Variants in KAZN observed in about 807,000 individuals in gnomAD.
The protein encoded by KAZN is kazrin, periplakin interacting protein.
In KAZN, 40 loss-of-function variants were observed where a neutral mutation model predicts 87.4. That is an observed-to-expected ratio of 0.46 (90% CI 0.36 to 0.60). KAZN has a LOEUF of 0.60. Ranked by LOEUF, KAZN falls within the 20% of genes least tolerant of loss-of-function variation. The pLI, the probability that KAZN is intolerant of heterozygous loss-of-function variation, is 0.00. For synonymous variants in KAZN, 466 were observed against 458.3 expected (o/e 1.02, Z -0.22); for missense variants, 898 against 1,073.9 (o/e 0.84, Z 2.29).
At position 13,970,747 on chromosome 1, in the gene KAZN, C is replaced by T. The variant is rs112506335; in HGVS notation, c.91+76991C>T. ...ATGACTTTCTTTGGGAGACTATAGG[C>T]TTTCTCTGGTTCATACTTCTATTCT... On this transcript the variant is annotated intron_variant, in intron 1 of 16. Transcript: ENST00000636203. 1.2e-3 allele frequency among the ~76,000 whole-genome samples: 183 copies of T among 152,280 alleles called. 1 individual carries two copies. The highest frequency in any genetic ancestry group is 4.1e-3 in the African/African-American group (171 of 41,564).
chr1:14,413,001 AAT>A (rs922861794), intron 2 of KAZN, among the ~76,000 whole-genome samples: 1 of 148,502 alleles, frequency 6.7e-6, no homozygotes, highest in African/African-American at 2.4e-5. Flanking sequence ...CACATATATA[AAT>A]ATATATAATA....
At chr1:14,939,261 C>G (rs12029616) in intron 1 of KAZN, among the ~76,000 whole-genome samples, 24,138 of 149,202 alleles carry the variant, frequency 0.16, 2,041 homozygotes, top group Admixed American at 0.24. Context: ...TGTGAGCCAC[C>G]GTGCCTGGCC....
chr1:14,206,702 C>T (rs12404999), intron 2 of KAZN, among the ~76,000 whole-genome samples: 9,982 of 144,826 alleles, frequency 0.069, 724 homozygotes, highest in African/African-American at 0.16. Context: ...TGAGCATTTT[C>T]TTTTTTTTTT....
At chr1:14,720,174 G>A (rs1200205033) in intron 1 of KAZN, among the ~76,000 whole-genome samples, 1 of 152,220 alleles carries the variant, frequency 6.6e-6, no homozygotes, top group Non-Finnish European at 1.5e-5. Flanking sequence ...GGACCCACTG[G>A]GGGATGGCAC....
In KAZN at chr1:15,063,657, C is replaced by T. The variant is rs771829522; in HGVS notation, c.1098+35C>T. On this transcript the variant is annotated intron_variant, in intron 7 of 14. Coordinates refer to ENST00000376030, the MANE Select transcript of KAZN (RefSeq NM_201628.3). Reference sequence around the variant, plus strand: ...CCCTCCCTGGCCACTTGAACCCTCCCTCCACCCCACCTTGACTACAACTTC... The same window carrying T: ...CCCTCCCTGGCCACTTGAACCCTCCTTCCACCCCACCTTGACTACAACTTC... 12 of 1,530,800 alleles carry T rather than the reference C, an allele frequency of 7.8e-6. No homozygotes were observed. The South Asian group carries it at 1.1e-4, about 14-fold the overall frequency. The allele number at this position is 1,530,800 out of a possible 1,614,324, so 94.8% of individuals were successfully genotyped here.
chr1:15,060,369 C>T (rs1005117406), intron 6 of KAZN, 67 bp downstream of exon 6: 77 of 1,557,112 alleles, frequency 4.9e-5, no homozygotes, highest in Middle Eastern at 1.7e-4. Flanking sequence ...GCGGGGGTGG[C>T]GGGGTGAAGC....
At chr1:14,346,912 ATATATCT>A (rs1229623681) in intron 2 of KAZN, among the ~76,000 whole-genome samples, 1 of 152,210 alleles carries the variant, frequency 6.6e-6, no homozygotes, top group Non-Finnish European at 1.5e-5. Flanking sequence ...ACAGACAACA[ATATATCT>A]AATTATACTA....
At chr1:14,054,046 C>A (rs1642447500) in intron 1 of KAZN, among the ~76,000 whole-genome samples, 1 of 151,636 alleles carries the variant, frequency 6.6e-6, no homozygotes, top group East Asian at 1.9e-4. Context: ...TGAAGAAGAG[C>A]AGGAAGGGGA....
At chr1:14,560,259 T>C (rs932705416) in intron 2 of KAZN, among the ~76,000 whole-genome samples, 6 of 152,128 alleles carry the variant, frequency 3.9e-5, no homozygotes, top group African/African-American at 1.4e-4. Flanking sequence ...CAGGATCAGA[T>C]TGTAAGGGCG....
intron 2 of KAZN, among the ~76,000 whole-genome samples, chr1:15,006,845 A>G (rs1669055261): frequency 6.6e-6 from 1 of 152,070 alleles, no homozygotes; most frequent in East Asian, 1.9e-4. Flanking sequence ...TCACGAGGTC[A>G]GAAGATCGAG....
chr1:14,208,076 C>A (rs1224885041), intron 2 of KAZN, among the ~76,000 whole-genome samples: 2 of 152,166 alleles, frequency 1.3e-5, no homozygotes, highest in African/African-American at 4.8e-5. Context: ...TGGCTTTGAT[C>A]TTTTTGAGTC....
At chr1:15,052,851 A>G (rs187214502) in intron 4 of KAZN, among the ~76,000 whole-genome samples, 11 of 152,296 alleles carry the variant, frequency 7.2e-5, no homozygotes, top group Non-Finnish European at 1.6e-4. Flanking sequence ...AAGGATGTCA[A>G]GCTGCCTACT....
chr1:14,907,683 A>G (rs1170546309), intron 1 of KAZN, among the ~76,000 whole-genome samples: 1 of 152,166 alleles, frequency 6.6e-6, no homozygotes, highest in East Asian at 1.9e-4. Flanking sequence ...AGGAAAAGAA[A>G]GAAGGGTTTC....
At position 14,440,277 on chromosome 1, in the gene KAZN, C is replaced by T. The variant is rs947114452; in HGVS notation, c.250-158706C>T. 7.2e-5 allele frequency among the ~76,000 whole-genome samples: 11 copies of T among 152,340 alleles called. No individual in the cohort carries two copies. The South Asian group carries it at 8.3e-4, about 11-fold the overall frequency. ...TCTAGGTGACGGAGACTGCCCGCAA[C>T]TCCTCTCCGTAAATTACCTGGCGGA... On this transcript the variant is annotated intron_variant, in intron 2 of 16. Transcript: ENST00000636203.
rs200478227 is a variant in KAZN at position 14,967,321 on chromosome 1, A to G, written c.418+6446A>G. On this transcript the variant is annotated intron_variant, in intron 2 of 14. Coordinates refer to ENST00000376030, the MANE Select transcript of KAZN (RefSeq NM_201628.3). The stretch of plus-strand genomic sequence containing the variant: ...CCTTCTGTCCCCTCAAGGTCTCTGC[A>G]TTTGTACTTTACTCTCCCCCAGCCT... Among the ~76,000 whole-genome samples, 19 of 151,984 alleles carry G rather than the reference A, an allele frequency of 1.3e-4. No individual in the cohort carries two copies. The East Asian group carries it at 3.5e-3, about 28-fold the overall frequency.
Position 14,996,899 on chromosome 1 carries a change from CG to C in KAZN, c.418+36025del, listed in dbSNP as rs1667928842. 6.6e-6 allele frequency among the ~76,000 whole-genome samples: 1 copy of C among 152,202 alleles called. No individual in the cohort carries two copies. Among genetic ancestry groups the C allele is most frequent in the Admixed American group, 6.5e-5 (1 of 15,292 alleles). On this transcript the variant is annotated intron_variant, in intron 2 of 14. Coordinates refer to ENST00000376030, the MANE Select transcript of KAZN (RefSeq NM_201628.3). This position sits in a 1 kb window ranked among gnomAD's most constrained non-coding sequence, Gnocchi z 5.9. ...CACCCACCTCCCTGCCTGACCTCAC[CG>C]CCCCAGGAAGCTTAGTCACGTTGCC...
At chr1:14,655,453 T>C (rs1395974878) in intron 1 of KAZN, among the ~76,000 whole-genome samples, 3 of 152,226 alleles carry the variant, frequency 2.0e-5, no homozygotes, top group Non-Finnish European at 2.9e-5. Context: ...ATGTGGTGCA[T>C]TCAGGTGGGT....
At chr1:14,646,176 G>T (rs1339759444) in intron 1 of KAZN, among the ~76,000 whole-genome samples, 1 of 152,160 alleles carries the variant, frequency 6.6e-6, no homozygotes, top group Non-Finnish European at 1.5e-5. Flanking sequence ...CTGACTGAGT[G>T]CAGGTTACGT....
intron 1 of KAZN, among the ~76,000 whole-genome samples, chr1:14,037,495 A>G (rs1165661908): frequency 6.6e-6 from 1 of 152,178 alleles, no homozygotes; most frequent in East Asian, 1.9e-4. Context: ...CTTGTTGGTC[A>G]GTGGAGGAAT....
Sources: gnomAD v4.1 joint callset for allele counts (sites outside exome capture counted in the v4.1 genomes callset) on GRCh38, gnomAD v4.1.1 for gene constraint, Gnocchi (gnomAD v3.1) non-coding constraint, MANE v1.5 for transcripts, NCBI Gene and HGNC (gene_info 2026-07-23, HGNC 2026-07-21) for gene names.